Variants in HYOU1 observed in about 807,000 individuals in gnomAD.
HYOU1 encodes the protein hypoxia up-regulated protein 1.
In HYOU1, 40 loss-of-function variants were observed where a neutral mutation model predicts 120.5. The observed-to-expected ratio is 0.33, with a 90% CI of 0.26 to 0.43. HYOU1 has a LOEUF of 0.43. Among genes scored for constraint, HYOU1 ranks in the 20% least tolerant of loss-of-function variants. HYOU1 has a pLI of 1.00. For synonymous variants in HYOU1, 501 were observed against 479.4 expected, an observed-to-expected ratio of 1.05 and a Z score of -0.59; for missense variants, 1,085 against 1,278.3, an observed-to-expected ratio of 0.85 and a Z score of 2.31.
chr11:119,048,255 G>A lies in HYOU1; in HGVS notation c.2369C>T (p.Thr790Ile), dbSNP rs2133562111. The A allele has an allele frequency of 2.5e-6, 4 of 1,611,194 alleles. No individual in the cohort carries two copies. The highest frequency in any genetic ancestry group is 2.2e-5 in the East Asian group (1 of 44,878). The change falls in exon 20 of 26, where the codon ACC (threonine) becomes ATC (isoleucine). Residue 790 changes from threonine (T) to isoleucine (I), a missense_variant. Around this residue, in one of 4 missense-constraint regions of HYOU1, gnomAD observed 516 missense variants for 517.1 expected, o/e 1.00. Coordinates refer to ENST00000617285, the MANE Select transcript of HYOU1 (RefSeq NM_006389.5). The surrounding 1 kb of genome is among the most constrained non-coding windows in gnomAD (Gnocchi z 4.7). ...TCCTGAGAGGCCCCTCACCACTGTG[G>A]TGGCTCCAACACCCTCATCCTCCAG... ...TWLEDEGVGA[T>I]TVMLKEKLAE...
At chr11:119,045,939 A>G (rs2133546320) in intron 24 of HYOU1, 108 bp from the exon 25 acceptor site, 33 of 1,070,586 alleles carry the variant, frequency 3.1e-5, no homozygotes, top group African/African-American at 9.6e-5. Flanking sequence ...TTTAGGATGC[A>G]TGTACCACAT....
At position 119,049,021 on chromosome 11, in the gene HYOU1, G is replaced by A; in HGVS notation, c.1989C>T (p.Ala663=). 6.2e-7 allele frequency: 1 copy of A among 1,614,068 alleles called. No homozygotes were observed. The highest frequency in any genetic ancestry group is 8.5e-7 in the Non-Finnish European group (1 of 1,179,970). Residue 663 remains alanine, a synonymous_variant, in exon 17 of 26, where the codon GCC becomes GCT. Coordinates refer to ENST00000617285, the MANE Select transcript of HYOU1 (RefSeq NM_006389.5). ...GCCTTCCTCTGCCACAGCTCACCTG[G>A]GCCTCAGACTTGTCCCCATTTTCTT... is the stretch of plus-strand genomic sequence containing the variant. The part of the protein sequence containing the change: ...TEKENGDKSE[A]QKPSEKAEAG...
Position 119,048,952 on chromosome 11 carries a change from A to T in HYOU1, c.1992+66T>A. The T allele has an allele frequency of 6.2e-7, 1 of 1,610,868 alleles. No homozygotes were observed. Among genetic ancestry groups the T allele is most frequent in the Non-Finnish European group, 8.5e-7 (1 of 1,178,508 alleles). On this transcript the variant is annotated intron_variant, in intron 17 of 25. Transcript: ENST00000617285. This position sits in a 1 kb window ranked among gnomAD's most constrained non-coding sequence, Gnocchi z 4.7. ...CCTCCTACATTCTCCACAAGGCCAG[A>T]AACAAGGCAGGCGCCTGCTCCCTTA...
At position 119,049,797 on chromosome 11, in the gene HYOU1, T is replaced by TC. The variant is rs1412782130; in HGVS notation, c.1705dup (p.Glu569GlyfsTer31). ...CTTACTGGTGAGAGTAGATTCCTCT[T>TC]CTGCGCTGTCCTCTACCAGTGTCTC... On this transcript the variant is annotated frameshift_variant, in exon 15 of 26. Coordinates refer to ENST00000617285, the MANE Select transcript of HYOU1 (RefSeq NM_006389.5). LOFTEE classifies it high-confidence loss of function. 1 of 1,614,138 alleles carries TC rather than the reference T, an allele frequency of 6.2e-7. No homozygotes were observed. The highest frequency in any genetic ancestry group is 8.5e-7 in the Non-Finnish European group (1 of 1,179,976).
rs2133590269 is a variant in HYOU1 at position 119,052,097 on chromosome 11, C to A, written c.1198G>T (p.Val400Leu). 2 of 1,614,052 alleles carry A rather than the reference C, an allele frequency of 1.2e-6. No homozygotes were observed. Residue 400 changes from valine to leucine, a missense_variant, in exon 11 of 26, where the codon GTG becomes TTG. Coordinates refer to ENST00000617285, the MANE Select transcript of HYOU1 (RefSeq NM_006389.5). This position sits in a 1 kb window ranked among gnomAD's most constrained non-coding sequence, Gnocchi z 5.0. Reference sequence around the variant, plus strand: ...TCTAGCCCCCACACTCACTTGCCCACGGCCTTCAGCAGCACCTCCTGAACT... The same window carrying A: ...TCTAGCCCCCACACTCACTTGCCCAAGGCCTTCAGCAGCACCTCCTGAACT... ...PRVQEVLLKA[V>L]GKEELGKNIN...
Position 119,044,434 on chromosome 11 carries a change from G to C in HYOU1, c.*1159C>G, listed in dbSNP as rs1379532849. 1 of 152,326 alleles carries C rather than the reference G, an allele frequency of 6.6e-6. No individual in the cohort carries two copies. Among genetic ancestry groups the C allele is most frequent in the Non-Finnish European group, 1.5e-5 (1 of 68,004 alleles). The allele number at this position is 152,326 out of a possible 1,614,324, so 9.4% of individuals were successfully genotyped here. A position where few individuals can be genotyped will look rare whatever the true frequency, so the allele number is the denominator to read the frequency against. On this transcript the variant is annotated 3_prime_UTR_variant, in exon 26 of 26. Coordinates refer to ENST00000617285, the MANE Select transcript of HYOU1 (RefSeq NM_006389.5). ...TCATTCTTGTCTTGGAGCTGAGGCA[G>C]CAGCCCTAGCTCCTGCTACAGACGG... is the stretch of plus-strand genomic sequence containing the variant.
chr11:119,051,985 C>G lies in HYOU1; in HGVS notation c.1206-34G>C. On this transcript the variant is annotated intron_variant, in intron 11 of 25. Coordinates refer to ENST00000617285, the MANE Select transcript of HYOU1 (RefSeq NM_006389.5). The surrounding 1 kb of genome is among the most constrained non-coding windows in gnomAD (Gnocchi z 4.2). ...GCCCCAAGCCTCAGCACGGTCTACC[C>G]TGGAGCATGCAACCGGGACTTCCCT... The G allele has an allele frequency of 6.2e-7, 1 of 1,613,562 alleles. No individual in the cohort carries two copies. The highest frequency in any genetic ancestry group is 8.5e-7 in the Non-Finnish European group (1 of 1,179,500).
chr11:119,050,394 G>A (rs1383197525), intron 14 of HYOU1, among the ~76,000 whole-genome samples: 2 of 151,996 alleles, frequency 1.3e-5, no homozygotes, highest in Admixed American at 6.6e-5. Context: ...AACAGAGCAA[G>A]ACTCTGTCTC....
Position 119,052,955 on chromosome 11 carries a change from C to A in HYOU1, c.795-126G>T. 1.2e-6 allele frequency: 1 copy of A among 850,936 alleles called. No individual in the cohort carries two copies. The highest frequency in any genetic ancestry group is 1.8e-6 in the Non-Finnish European group (1 of 560,474). 52.7% of individuals were successfully genotyped at this position (850,936 alleles called of 1,614,324 possible). ...AGGGGACCTTGTTCATCTCCAGTGCCCCATGTGTGGACACACACTCTGCCC... is the reference window on the plus strand; with the variant it reads ...AGGGGACCTTGTTCATCTCCAGTGCACCATGTGTGGACACACACTCTGCCC... On this transcript the variant is annotated intron_variant, in intron 8 of 25. Coordinates refer to ENST00000617285, the MANE Select transcript of HYOU1 (RefSeq NM_006389.5). This position sits in a 1 kb window ranked among gnomAD's most constrained non-coding sequence, Gnocchi z 5.0.
intron 22 of HYOU1, chr11:119,047,525 G>C: frequency 1.8e-6 from 1 of 544,578 alleles, no homozygotes; most frequent in Non-Finnish European, 3.3e-6. Flanking sequence ...TCATGGGATG[G>C]GCTTTTTTGC....
At chr11:119,050,996 A>G in intron 14 of HYOU1, 39 bp downstream of exon 14, 1 of 1,607,642 alleles carries the variant, frequency 6.2e-7, no homozygotes, top group East Asian at 2.2e-5. Flanking sequence ...GCAGGGCCTG[A>G]GCCCCTGCTC....
At chr11:119,056,655 T>C (rs1944788456) in intron 1 of HYOU1, 1 of 312,952 alleles carries the variant, frequency 3.2e-6, no homozygotes, top group Non-Finnish European at 6.3e-6. Flanking sequence ...GAAAGGCCTA[T>C]CTCCTCCTCG....
In HYOU1 at chr11:119,049,895, C is replaced by T. The variant is rs116332665; in HGVS notation, c.1666-58G>A. ...GGCTAATCCACCTTTTCTCCACAAA[C>T]ATCTGCCAAAGTGGGTGTTTGCTTA... On this transcript the variant is annotated intron_variant, in intron 14 of 25. Transcript: ENST00000617285. 6,052 of 1,505,736 alleles carry T rather than the reference C, an allele frequency of 4.0e-3. 128 individuals are homozygous for T. In the African/African-American group the frequency reaches 0.052, roughly 13 times the overall value. 93.3% of individuals were successfully genotyped at this position (1,505,736 alleles called of 1,614,324 possible).
rs531407704 is a variant in HYOU1, at chr11:119,045,095, A to T, written c.*498T>A. The T allele has an allele frequency of 1.8e-5, 8 of 452,850 alleles. No homozygotes were observed. Among genetic ancestry groups the T allele is most frequent in the African/African-American group, 2.0e-5 (1 of 50,122 alleles). 28.1% of individuals were successfully genotyped at this position (452,850 alleles called of 1,614,324 possible). On this transcript the variant is annotated 3_prime_UTR_variant, in exon 26 of 26. Coordinates refer to ENST00000617285, the MANE Select transcript of HYOU1 (RefSeq NM_006389.5). ...AGCAAGAGAAGCCCGCAGAGGGAGG[A>T]AAGAGCACAGATAGGCACTCAGAAA...
At chr11:119,054,054 C>T (rs1944609746) in intron 8 of HYOU1, 67 bp downstream of exon 8, 1 of 961,598 alleles carries the variant, frequency 1.0e-6, no homozygotes, top group South Asian at 1.4e-5. Flanking sequence ...CAGTGTGTCT[C>T]CTCCAAGAAG....
At position 119,048,151 on chromosome 11, in the gene HYOU1, T is replaced by G; in HGVS notation, c.2377-71A>C. The G allele has an allele frequency of 1.2e-6, 2 of 1,611,470 alleles. No homozygotes were observed. Among genetic ancestry groups the G allele is most frequent in the Non-Finnish European group, 1.7e-6 (2 of 1,179,426 alleles). ...GAGCCTGGAGTCAGCCCCATGTCCT[T>G]CTTTATGGGCTCAAGCCCCAGCTCT... is the stretch of plus-strand genomic sequence containing the variant. On this transcript the variant is annotated intron_variant, in intron 20 of 25. Transcript: ENST00000617285. The surrounding 1 kb of genome is among the most constrained non-coding windows in gnomAD (Gnocchi z 4.7).
At chr11:119,050,856 T>G (rs1035058740) in intron 14 of HYOU1, among the ~76,000 whole-genome samples, 179 bp downstream of exon 14, 2 of 152,076 alleles carry the variant, frequency 1.3e-5, no homozygotes, top group African/African-American at 2.4e-5. Flanking sequence ...CTATAAGCAT[T>G]TATAGGCTAT....
rs2134710313 is a variant in HYOU1 at position 119,056,119 on chromosome 11, G to C, written c.42C>G (p.Val14=). ...AGAGCACAGCCACCAAGGCCCAACA[G>C]ACTCGCCTCCTCGGCCTCTGCCTCC... ...KVRRQRPRRR[V]CWALVAVLLA... The change falls in exon 2 of 26, where the codon GTC becomes GTG. Residue 14 remains valine, a synonymous_variant. Coordinates refer to ENST00000617285, the MANE Select transcript of HYOU1 (RefSeq NM_006389.5). The C allele has an allele frequency of 3.1e-6, 5 of 1,614,102 alleles. No homozygotes were observed. Among genetic ancestry groups the C allele is most frequent in the Non-Finnish European group, 4.2e-6 (5 of 1,180,032 alleles).
intron 22 of HYOU1, 90 bp from the exon 23 acceptor site, chr11:119,046,892 T>G: frequency 7.2e-5 from 108 of 1,508,392 alleles, no homozygotes; most frequent in Non-Finnish European, 8.7e-5. Context: ...AACCAGCCTC[T>G]TCCCTCAGAC....
Sources: gnomAD v4.1 joint callset for allele counts (sites outside exome capture counted in the v4.1 genomes callset) on GRCh38, gnomAD v4.1.1 for gene constraint, gnomAD v4.1.1 regional missense constraint, Gnocchi (gnomAD v3.1) non-coding constraint, MANE v1.5 for transcripts, NCBI Gene and HGNC (gene_info 2026-07-23, HGNC 2026-07-21) for gene names.